The following ENTREP2 variants were observed in gnomAD, a reference collection of about 807,000 sequenced individuals.
ENTREP2 encodes the protein protein ENTREP2.
chr15:29,553,476 G>C, the ENTREP2 span, among the ~76,000 whole-genome samples: 5 of 152,140 alleles, frequency 3.3e-5, no homozygotes, highest in African/African-American at 1.2e-4. Context: ...GTGGCTGTTT[G>C]TATTTTCCAC....
chr15:29,538,222 G>T, the ENTREP2 span, among the ~76,000 whole-genome samples: 1 of 152,080 alleles, frequency 6.6e-6, no homozygotes. Context: ...GCATGTGGTT[G>T]GTTAGGTCAC....
At chr15:29,609,221 C>T in the ENTREP2 span, among the ~76,000 whole-genome samples, 1 of 149,982 alleles carries the variant, frequency 6.7e-6, no homozygotes, top group Non-Finnish European at 1.5e-5. Context: ...AAACTTGGAC[C>T]CCTTTGCCTA....
At chr15:29,508,113 A>G in the ENTREP2 span, among the ~76,000 whole-genome samples, 13 of 152,220 alleles carry the variant, frequency 8.5e-5, no homozygotes, top group African/African-American at 3.1e-4. Context: ...ACAGAATACT[A>G]TAAACACCTC....
At chr15:29,412,352 AAC>A in the ENTREP2 span, among the ~76,000 whole-genome samples, 1 of 151,984 alleles carries the variant, frequency 6.6e-6, no homozygotes, top group Non-Finnish European at 1.5e-5. Flanking sequence ...AATGTCCTTA[AAC>A]AATTTACATT....
At chr15:29,325,778 C>G in the ENTREP2 span, among the ~76,000 whole-genome samples, 1 of 152,080 alleles carries the variant, frequency 6.6e-6, no homozygotes, top group Non-Finnish European at 1.5e-5. Flanking sequence ...AATGCCAAAA[C>G]CAGATACATA....
the ENTREP2 span, among the ~76,000 whole-genome samples, chr15:29,155,424 C>G: frequency 1.3e-5 from 2 of 152,300 alleles, no homozygotes; most frequent in East Asian, 3.9e-4. Flanking sequence ...CCTGTGTGAG[C>G]ACCAGGCACT....
chr15:29,407,998 A>G, the ENTREP2 span, among the ~76,000 whole-genome samples: 2 of 152,118 alleles, frequency 1.3e-5, no homozygotes, highest in East Asian at 1.9e-4. Flanking sequence ...TTGATAGACC[A>G]TATCCTCCAC....
At chr15:29,269,424 C>T in the ENTREP2 span, 4 of 1,614,154 alleles carry the variant, frequency 2.5e-6, no homozygotes, top group East Asian at 2.2e-5. Context: ...TCAGCAAGAA[C>T]TGCACCAGCT....
the ENTREP2 span, among the ~76,000 whole-genome samples, chr15:29,143,670 A>ACAGT: frequency 6.6e-6 from 1 of 152,224 alleles, no homozygotes; most frequent in Non-Finnish European, 1.5e-5. Flanking sequence ...ACACTTGCCC[A>ACAGT]CAGTGACCTT....
chr15:29,564,338 C>T, the ENTREP2 span, among the ~76,000 whole-genome samples: 1 of 152,168 alleles, frequency 6.6e-6, no homozygotes, highest in African/African-American at 2.4e-5. Context: ...TTGATGTTAT[C>T]TTTCACTGTT....
At chr15:29,308,905 G>A in the ENTREP2 span, among the ~76,000 whole-genome samples, 1 of 152,152 alleles carries the variant, frequency 6.6e-6, no homozygotes, top group Non-Finnish European at 1.5e-5. Context: ...TGGGGAGGAA[G>A]AGCCAAGAGA....
the ENTREP2 span, among the ~76,000 whole-genome samples, chr15:29,419,333 A>G: frequency 6.6e-6 from 1 of 152,224 alleles, no homozygotes; most frequent in Non-Finnish European, 1.5e-5. Flanking sequence ...TAAAAAATAC[A>G]ACATCTAAAA....
the ENTREP2 span, among the ~76,000 whole-genome samples, chr15:29,316,720 C>T: frequency 6.6e-6 from 1 of 152,118 alleles, no homozygotes; most frequent in South Asian, 2.1e-4. Context: ...TTGAGATATC[C>T]ACAATGTAAA....
At chr15:29,385,878 TG>T in the ENTREP2 span, among the ~76,000 whole-genome samples, 7 of 151,750 alleles carry the variant, frequency 4.6e-5, no homozygotes, top group Non-Finnish European at 7.4e-5. Context: ...ATAGTGGGCA[TG>T]GACACAAGCA....
At chr15:29,588,917 G>T in the ENTREP2 span, among the ~76,000 whole-genome samples, 1 of 151,530 alleles carries the variant, frequency 6.6e-6, no homozygotes, top group African/African-American at 2.4e-5. Context: ...TGAGCCCTGG[G>T]AAGTTGCGGC....
the ENTREP2 span, among the ~76,000 whole-genome samples, chr15:29,627,435 C>T: frequency 4.0e-5 from 6 of 150,850 alleles, no homozygotes; most frequent in African/African-American, 9.8e-5. Flanking sequence ...CCCAGCTACT[C>T]GGGAGGCTGA....
the ENTREP2 span, among the ~76,000 whole-genome samples, chr15:29,539,437 G>A: frequency 5.9e-5 from 9 of 151,944 alleles, no homozygotes; most frequent in African/African-American, 1.9e-4. Context: ...CAGAATCTGG[G>A]CTCTGCATTC....
the ENTREP2 span, among the ~76,000 whole-genome samples, chr15:29,258,930 T>C: frequency 6.6e-6 from 1 of 152,192 alleles, no homozygotes; most frequent in East Asian, 1.9e-4. Flanking sequence ...TCCTTCCTTT[T>C]CAAGGCTATT....
the ENTREP2 span, among the ~76,000 whole-genome samples, chr15:29,417,674 A>C: frequency 6.6e-6 from 1 of 151,790 alleles, no homozygotes; most frequent in Non-Finnish European, 1.5e-5. Context: ...TAATAATAAT[A>C]ATCTACGTAA....
Sources: gnomAD v4.1 joint callset for allele counts (sites outside exome capture counted in the v4.1 genomes callset) on GRCh38, gnomAD v4.1.1 for gene constraint, MANE v1.5 for transcripts, NCBI Gene and HGNC (gene_info 2026-07-23, HGNC 2026-07-21) for gene names.